Variants in NAPEPLD observed in about 807,000 individuals in gnomAD.
NAPEPLD encodes N-acyl phosphatidylethanolamine phospholipase D.
A neutral mutation model predicts 38.1 loss-of-function variants in NAPEPLD; 23 were observed. The observed-to-expected ratio is 0.60, with a 90% CI of 0.43 to 0.86. The LOEUF is 0.86. Ranked by LOEUF, NAPEPLD falls within the 40% of genes least tolerant of loss-of-function variation. NAPEPLD has a pLI of 0.00. For missense variants in NAPEPLD, 411 were observed against 476.8 expected (o/e 0.86, Z 1.28); for synonymous variants, 147 against 162.0 (o/e 0.91, Z 0.71).
At position 103,149,077 on chromosome 7, in the gene NAPEPLD, A is replaced by C; in HGVS notation, c.-283T>G. 1.0e-6 allele frequency: 1 copy of C among 985,360 alleles called. No individual in the cohort carries two copies. Among genetic ancestry groups the C allele is most frequent in the East Asian group, 1.1e-4 (1 of 8,790 alleles). The allele number at this position is 985,360 out of a possible 1,614,324, so 61.0% of individuals were successfully genotyped here. ...CGCTCCACTTCGCCGAAGAATTCCAAACCACCCCAGGCTCAGCAGTGTGGA... is the reference window on the plus strand; with the variant it reads ...CGCTCCACTTCGCCGAAGAATTCCACACCACCCCAGGCTCAGCAGTGTGGA... On this transcript the variant is annotated 5_prime_UTR_variant, in exon 1 of 5. Coordinates refer to ENST00000465647, the MANE Select transcript of NAPEPLD (RefSeq NM_001122838.3).
chr7:103,140,301 T>C (rs940771753), intron 1 of NAPEPLD, among the ~76,000 whole-genome samples: 9 of 151,854 alleles, frequency 5.9e-5, no homozygotes, highest in Non-Finnish European at 1.3e-4. Context: ...GGAAATGGTA[T>C]GAATAAACTG....
chr7:103,143,140 T>G (rs1811821481), intron 1 of NAPEPLD, among the ~76,000 whole-genome samples: 1 of 151,854 alleles, frequency 6.6e-6, no homozygotes, highest in African/African-American at 2.4e-5. Flanking sequence ...GATAGGAGGA[T>G]TGCTTGAGCC....
chr7:103,104,239 A>G (rs1405664945), intron 4 of NAPEPLD, among the ~76,000 whole-genome samples: 1 of 152,176 alleles, frequency 6.6e-6, no homozygotes, highest in Non-Finnish European at 1.5e-5. Context: ...CCAAGTGGAG[A>G]TGTGAAGGAG....
At chr7:103,135,083 G>C (rs1162878325) in intron 1 of NAPEPLD, among the ~76,000 whole-genome samples, 1 of 152,168 alleles carries the variant, frequency 6.6e-6, no homozygotes, top group Non-Finnish European at 1.5e-5. Context: ...AAATTATGAA[G>C]CGGCAAATCA....
intron 3 of NAPEPLD, among the ~76,000 whole-genome samples, chr7:103,116,742 G>A (rs1272797969): frequency 6.6e-6 from 1 of 152,180 alleles, no homozygotes; most frequent in Non-Finnish European, 1.5e-5. Context: ...GAAGAGCGAG[G>A]GCTCAGGAGG....
At chr7:103,143,637 C>A (rs1811943615) in intron 1 of NAPEPLD, among the ~76,000 whole-genome samples, 1 of 152,184 alleles carries the variant, frequency 6.6e-6, no homozygotes, top group African/African-American at 2.4e-5. Context: ...GTGCCACATC[C>A]AAGGAATGGC....
At chr7:103,145,034 T>C (rs1008008013) in intron 1 of NAPEPLD, among the ~76,000 whole-genome samples, 7 of 152,058 alleles carry the variant, frequency 4.6e-5, no homozygotes, top group African/African-American at 1.7e-4. Flanking sequence ...TCCTGCATCT[T>C]GGGAACTCCC....
chr7:103,105,269 A>C (rs904781414), intron 4 of NAPEPLD, among the ~76,000 whole-genome samples: 1 of 152,170 alleles, frequency 6.6e-6, no homozygotes, highest in Non-Finnish European at 1.5e-5. Flanking sequence ...GATCAATATG[A>C]GTAAATGGGA....
intron 1 of NAPEPLD, among the ~76,000 whole-genome samples, chr7:103,147,232 T>C (rs1003460367): frequency 6.6e-6 from 1 of 152,242 alleles, no homozygotes; most frequent in Non-Finnish European, 1.5e-5. Context: ...GGAAATCACA[T>C]GGGTGATATT....
In NAPEPLD at chr7:103,101,972, T is replaced by A. The variant is rs1464501038; in HGVS notation, c.*1457A>T. Reference sequence around the variant, plus strand: ...TAATCAAGTGAATACAGAGTCCTTATTAGGACTAAATCTTATGTCAACTGA... The same window carrying A: ...TAATCAAGTGAATACAGAGTCCTTAATAGGACTAAATCTTATGTCAACTGA... On this transcript the variant is annotated 3_prime_UTR_variant, in exon 5 of 5. Transcript: ENST00000465647. 6.6e-6 allele frequency: 1 copy of A among 151,588 alleles called. No individual in the cohort carries two copies. The highest frequency in any genetic ancestry group is 1.5e-5 in the Non-Finnish European group (1 of 67,904). 9.4% of individuals were successfully genotyped at this position (151,588 alleles called of 1,614,324 possible).
intron 1 of NAPEPLD, among the ~76,000 whole-genome samples, chr7:103,139,463 GATGGTGAGGA>G (rs1810763063): frequency 6.6e-6 from 1 of 152,222 alleles, no homozygotes; most frequent in Non-Finnish European, 1.5e-5. Flanking sequence ...AAATTCTCAA[GATGGTGAGGA>G]ATACTTTTCC....
upstream of NAPEPLD, chr7:103,149,264 G>T (rs1813250137): frequency 2.0e-6 from 2 of 1,001,908 alleles, no homozygotes; most frequent in African/African-American, 1.7e-5. Context: ...TGCGAGCGCG[G>T]GGGTGCGGAC....
At chr7:103,130,149 G>A (rs1029412771) in intron 1 of NAPEPLD, among the ~76,000 whole-genome samples, 2 of 152,160 alleles carry the variant, frequency 1.3e-5, no homozygotes, top group Non-Finnish European at 2.9e-5. Context: ...GTAACAGAAA[G>A]CCAAATATTA....
At chr7:103,143,080 CA>C (rs67916364) in intron 1 of NAPEPLD, among the ~76,000 whole-genome samples, 99,234 of 151,560 alleles carry the variant, frequency 0.65, 35,148 homozygotes, top group Middle Eastern at 0.85. Flanking sequence ...AACAAAAAAA[CA>C]AAAAAACAAA....
intron 1 of NAPEPLD, among the ~76,000 whole-genome samples, chr7:103,138,127 G>A (rs1035980817): frequency 6.6e-6 from 1 of 151,180 alleles, no homozygotes; most frequent in Non-Finnish European, 1.5e-5. Flanking sequence ...ACAGGCATGC[G>A]CCACCAAGCC....
At chr7:103,128,114 C>G (rs1172578157) in intron 2 of NAPEPLD, 4 of 231,876 alleles carry the variant, frequency 1.7e-5, no homozygotes, top group Non-Finnish European at 2.5e-5. Context: ...AATACACTGT[C>G]TCACCTTCAT....
At chr7:103,134,302 G>T (rs12531504) in intron 1 of NAPEPLD, among the ~76,000 whole-genome samples, 9,116 of 152,192 alleles carry the variant, frequency 0.06, 322 homozygotes, top group South Asian at 0.11. Flanking sequence ...CTAGAATCCA[G>T]AAGAAAATTT....
intron 1 of NAPEPLD, among the ~76,000 whole-genome samples, chr7:103,139,754 CG>C: frequency 1.3e-5 from 2 of 152,228 alleles, no homozygotes; most frequent in Middle Eastern, 6.8e-3. Flanking sequence ...AAAAAATAAA[CG>C]AACAGTGAGA....
chr7:103,145,211 G>GA (rs1054324515), intron 1 of NAPEPLD, among the ~76,000 whole-genome samples: 1 of 152,068 alleles, frequency 6.6e-6, no homozygotes, highest in Non-Finnish European at 1.5e-5. Context: ...CTAAGCAAAA[G>GA]AAAAAAATTA....
Sources: gnomAD v4.1 joint callset for allele counts (sites outside exome capture counted in the v4.1 genomes callset) on GRCh38, gnomAD v4.1.1 for gene constraint, MANE v1.5 for transcripts, NCBI Gene and HGNC (gene_info 2026-07-23, HGNC 2026-07-21) for gene names.